Variants in NAALADL2 observed in about 807,000 individuals in gnomAD.
NAALADL2 encodes the protein inactive N-acetylated-alpha-linked acidic dipeptidase-like protein 2.
NAALADL2 carries 76 observed loss-of-function variants against 87.2 expected under a neutral mutation model. That is an observed-to-expected ratio of 0.87 (90% CI 0.72 to 1.05). The LOEUF is 1.05. Among genes scored for constraint, NAALADL2 ranks in the 50% least tolerant of loss-of-function variants. NAALADL2 has a pLI of 0.00. For synonymous variants in NAALADL2, 354 were observed against 331.0 expected (o/e 1.07, Z -0.75); for missense variants, 1,089 against 945.8 (o/e 1.15, Z -1.99).
intron 2 of NAALADL2, among the ~76,000 whole-genome samples, chr3:174,643,797 A>G (rs1171166182): frequency 2.6e-5 from 4 of 152,222 alleles, no homozygotes; most frequent in African/African-American, 9.6e-5. Context: ...TTATTTACAT[A>G]CAACAGTGAA....
intron 2 of NAALADL2, among the ~76,000 whole-genome samples, chr3:175,179,551 T>G (rs948167282): frequency 2.6e-5 from 4 of 152,008 alleles, no homozygotes; most frequent in African/African-American, 9.7e-5. Context: ...CTTATTTTAT[T>G]TCTTCATAAT....
intron 7 of NAALADL2, 79 bp downstream of exon 7, chr3:175,463,572 T>C: frequency 1.3e-6 from 1 of 744,358 alleles, no homozygotes; most frequent in Non-Finnish European, 2.1e-6. Context: ...TTTAATATTA[T>C]ACTTAAATAT....
At chr3:174,520,080 A>C (rs1053452582) in intron 1 of NAALADL2, among the ~76,000 whole-genome samples, 2 of 152,214 alleles carry the variant, frequency 1.3e-5, no homozygotes, top group African/African-American at 4.8e-5. Context: ...TAAACAAATG[A>C]AAAAACATTC....
intron 2 of NAALADL2, among the ~76,000 whole-genome samples, chr3:175,101,103 C>T (rs1411908802): frequency 2.6e-5 from 4 of 152,068 alleles, no homozygotes; most frequent in Non-Finnish European, 4.4e-5. Context: ...AGAGCACACA[C>T]CGGAAAAAAT....
At chr3:175,720,187 C>T (rs1742030869) in intron 11 of NAALADL2, among the ~76,000 whole-genome samples, 1 of 152,074 alleles carries the variant, frequency 6.6e-6, no homozygotes, top group African/African-American at 2.4e-5. Context: ...GATAAGTATA[C>T]ACAACAATCC....
At chr3:174,869,654 A>G (rs930546114) in intron 1 of NAALADL2, among the ~76,000 whole-genome samples, 2 of 152,190 alleles carry the variant, frequency 1.3e-5, no homozygotes, top group Non-Finnish European at 1.5e-5. Context: ...TCCATGAAAC[A>G]TAAATAAAAA....
chr3:174,986,298 T>TAATATATATACACAATATATATATAC (rs1374740152), intron 1 of NAALADL2, among the ~76,000 whole-genome samples: 2 of 147,912 alleles, frequency 1.4e-5, no homozygotes, highest in Non-Finnish European at 3.0e-5. Flanking sequence ...ACAATATATA[T>TAATATATATACACAATATATATATAC]AATATATATA....
intron 1 of NAALADL2, among the ~76,000 whole-genome samples, chr3:174,974,986 ACTTTT>A (rs922807495): frequency 1.3e-5 from 2 of 152,150 alleles, no homozygotes; most frequent in African/African-American, 2.4e-5. Flanking sequence ...AATTACAGAA[ACTTTT>A]CTTTACAGTC....
chr3:174,832,488 G>A (rs1277545218), intron 3 of NAALADL2, among the ~76,000 whole-genome samples: 1 of 151,996 alleles, frequency 6.6e-6, no homozygotes, highest in African/African-American at 2.4e-5. Context: ...TTGAGATGGA[G>A]TCTGGCTCTG....
chr3:174,621,641 C>A lies in NAALADL2; in HGVS notation c.-115+71004C>A, dbSNP rs9843851. On this transcript the variant is annotated intron_variant, in intron 2 of 3. Transcript: ENST00000434257. ...ATCAGGACTCAACCCTTGTTTCTGCCATTTATTTAGAAATACAACCTTAAA... is the reference window on the plus strand; with the variant it reads ...ATCAGGACTCAACCCTTGTTTCTGCAATTTATTTAGAAATACAACCTTAAA... Among the ~76,000 whole-genome samples the A allele has an allele frequency of 7.9e-3, 1,202 of 152,152 alleles. 15 individuals carry two copies. Among genetic ancestry groups the A allele is most frequent in the African/African-American group, 0.027 (1,141 of 41,512 alleles).
In NAALADL2 at chr3:174,592,085, C is replaced by G. The variant is rs373739716; in HGVS notation, c.-115+41448C>G. ...TCAGCATGAAATAGGTATAATAGAACAATTCCCAAGGTAAACTGACTGATT... is the reference window on the plus strand; with the variant it reads ...TCAGCATGAAATAGGTATAATAGAAGAATTCCCAAGGTAAACTGACTGATT... On this transcript the variant is annotated intron_variant, in intron 2 of 3. Transcript: ENST00000434257. Among the ~76,000 whole-genome samples the G allele has an allele frequency of 7.9e-5, 12 of 151,942 alleles. No homozygotes were observed. The East Asian group carries it at 1.4e-3, about 17-fold the overall frequency.
intron 1 of NAALADL2, among the ~76,000 whole-genome samples, chr3:174,998,495 T>A (rs1225523352): frequency 6.6e-6 from 1 of 152,228 alleles, no homozygotes; most frequent in Non-Finnish European, 1.5e-5. Context: ...TTAATTTAGG[T>A]TTTCTGATCT....
At chr3:175,366,308 T>G (rs567451350) in intron 5 of NAALADL2, among the ~76,000 whole-genome samples, 3,331 of 151,282 alleles carry the variant, frequency 0.022, 143 homozygotes, top group African/African-American at 0.077. Flanking sequence ...GAATAGTGCC[T>G]CAATAAACAT....
At chr3:175,245,124 T>A (rs1281629472) in intron 3 of NAALADL2, among the ~76,000 whole-genome samples, 2 of 152,154 alleles carry the variant, frequency 1.3e-5, no homozygotes, top group East Asian at 3.9e-4. Flanking sequence ...CATAATCTCT[T>A]TTTTAAAATA....
At chr3:175,174,857 C>T (rs62283049) in intron 2 of NAALADL2, among the ~76,000 whole-genome samples, 1 of 151,670 alleles carries the variant, frequency 6.6e-6, no homozygotes, top group African/African-American at 2.4e-5. Context: ...CACACACACA[C>T]ACACACATAT....
chr3:175,604,434 G>A (rs551567494), intron 10 of NAALADL2, among the ~76,000 whole-genome samples: 1 of 151,410 alleles, frequency 6.6e-6, no homozygotes, highest in South Asian at 2.1e-4. Flanking sequence ...CTCCCGAGTA[G>A]CTGGGACTAC....
chr3:175,180,266 G>A (rs1736271936), intron 2 of NAALADL2, among the ~76,000 whole-genome samples: 2 of 151,876 alleles, frequency 1.3e-5, no homozygotes, highest in South Asian at 2.1e-4. Context: ...TATATCAATT[G>A]TCCTTTCTCT....
chr3:174,679,278 C>A (rs1285617413), intron 2 of NAALADL2, among the ~76,000 whole-genome samples: 2 of 152,064 alleles, frequency 1.3e-5, no homozygotes, highest in African/African-American at 4.8e-5. Context: ...TATATATTTT[C>A]TAGTTCACTG....
chr3:174,446,861 A>T (rs1310428071), intron 1 of NAALADL2, among the ~76,000 whole-genome samples: 2 of 152,196 alleles, frequency 1.3e-5, no homozygotes, highest in Non-Finnish European at 2.9e-5. Context: ...TTCAGGTGAT[A>T]AAAGCCTTTT....
Sources: allele counts gnomAD v4.1 joint callset (sites outside exome capture counted in the v4.1 genomes callset), GRCh38; gene constraint gnomAD v4.1.1; transcripts MANE v1.5; gene names NCBI Gene and HGNC (gene_info 2026-07-23, HGNC 2026-07-21).